LIPM: variants seen among roughly 807,000 people sequenced by gnomAD.
LIPM encodes the protein lipase family member M, also known as lipase member M.
LIPM carries 42 observed loss-of-function variants against 42.4 expected under a neutral mutation model. The ratio of observed to expected loss-of-function variants is 0.99; its 90% CI spans 0.77 to 1.28. The LOEUF (loss-of-function observed/expected upper bound fraction) is 1.28. Among genes scored for constraint, LIPM ranks in the 50% most tolerant of loss-of-function variants. The probability of loss-of-function intolerance (pLI) is 0.00; values close to 1 mark genes in which losing one functional copy is unlikely to be tolerated. For missense variants in LIPM, 524 were observed against 520.1 expected, an observed-to-expected ratio of 1.01 and a Z score of -0.07; for synonymous variants, 177 against 173.3, an observed-to-expected ratio of 1.02 and a Z score of -0.17.
intron 8 of LIPM, among the ~76,000 whole-genome samples, chr10:88,818,987 G>C (rs182793081): frequency 8.7e-4 from 132 of 152,174 alleles, no homozygotes; most frequent in African/African-American, 3.0e-3. Context: ...TCCTAGCTTT[G>C]AGCCATTCTC....
chr10:88,813,640 A>C (rs1346251144), intron 3 of LIPM, among the ~76,000 whole-genome samples: 2 of 152,124 alleles, frequency 1.3e-5, no homozygotes, highest in African/African-American at 4.8e-5. Flanking sequence ...GCAGCATTAA[A>C]AAAAAAGAAA....
chr10:88,810,181 T>G (rs1252708753), intron 2 of LIPM, among the ~76,000 whole-genome samples: 2 of 152,214 alleles, frequency 1.3e-5, no homozygotes, highest in African/African-American at 4.8e-5. Flanking sequence ...ATTCTGGTGC[T>G]AATAAATATT....
Position 88,818,486 on chromosome 10 carries a change from A to G in LIPM, c.1002+590A>G, listed in dbSNP as rs887661978. ...TTACATTTTTTAAAAATGTTATTAC[A>G]TTACCCAAGAAAATATGTAGCTAAT... On this transcript the variant is annotated intron_variant, in intron 8 of 8. Coordinates refer to ENST00000404743, the MANE Select transcript of LIPM (RefSeq NM_001128215.1). 7.9e-5 allele frequency among the ~76,000 whole-genome samples: 12 copies of G among 152,358 alleles called. 1 individual carries two copies. The highest frequency in any genetic ancestry group is 2.0e-4 in the Admixed American group (3 of 15,312).
chr10:88,808,255 C>A, intron 1 of LIPM, 43 bp from the exon 2 acceptor site: 2 of 1,081,940 alleles, frequency 1.8e-6, no homozygotes, highest in Non-Finnish European at 2.8e-6. Flanking sequence ...GAGAATATGG[C>A]CACAGAGAAC....
intron 6 of LIPM, among the ~76,000 whole-genome samples, chr10:88,815,903 G>A (rs1313291805): frequency 3.3e-5 from 5 of 152,118 alleles, no homozygotes; most frequent in African/African-American, 1.2e-4. Context: ...TTTGGCTTAG[G>A]CTACCAGTTG....
rs372031807 is a variant in LIPM at position 88,809,436 on chromosome 10, C to A, written c.265+1021C>A. On this transcript the variant is annotated intron_variant, in intron 2 of 8. Transcript: ENST00000404743. ...TACTCTAGCAGTAGGTTTATAGTAG[C>A]AACTATATTGTCTTTCTTGTGTATA... Among the ~76,000 whole-genome samples the A allele has an allele frequency of 1.4e-3, 218 of 152,222 alleles. 1 individual carries two copies. Among genetic ancestry groups the A allele is most frequent in the African/African-American group, 4.8e-3 (199 of 41,530 alleles).
intron 8 of LIPM, 115 bp from the exon 9 acceptor site, chr10:88,820,116 AC>A: frequency 1.3e-6 from 1 of 770,254 alleles, no homozygotes; most frequent in East Asian, 2.7e-5. Context: ...TGGCTCTAAC[AC>A]CCATGTACCC....
chr10:88,818,048 T>A (rs1000354405), intron 8 of LIPM, among the ~76,000 whole-genome samples, 152 bp downstream of exon 8: 1 of 152,234 alleles, frequency 6.6e-6, no homozygotes, highest in Admixed American at 6.5e-5. Context: ...TGAAAATGGT[T>A]AAGTTCACAG....
At chr10:88,814,807 A>G (rs1195353831) in intron 4 of LIPM, among the ~76,000 whole-genome samples, 168 bp downstream of exon 4, 2 of 152,220 alleles carry the variant, frequency 1.3e-5, no homozygotes, top group Admixed American at 1.3e-4. Context: ...TGTGCTAGAT[A>G]TAGCATATCT....
chr10:88,803,618 G>A (rs1843553069), intron 1 of LIPM, among the ~76,000 whole-genome samples: 1 of 111,422 alleles, frequency 9.0e-6, no homozygotes, highest in South Asian at 3.5e-4. Context: ...TTTCCCAGGA[G>A]GTTTTTTTTT....
At chr10:88,804,833 T>C (rs897838122) in intron 1 of LIPM, among the ~76,000 whole-genome samples, 8 of 152,206 alleles carry the variant, frequency 5.3e-5, no homozygotes, top group African/African-American at 1.9e-4. Context: ...CAATAGCCCA[T>C]ACACTGCTGA....
At chr10:88,809,260 T>C (rs1843625892) in intron 2 of LIPM, among the ~76,000 whole-genome samples, 1 of 152,168 alleles carries the variant, frequency 6.6e-6, no homozygotes, top group African/African-American at 2.4e-5. Flanking sequence ...TGGCTATACA[T>C]ACATTTTAAA....
Position 88,815,381 on chromosome 10 carries a change from C to T in LIPM, c.736C>T (p.Leu246=). The part of the protein sequence containing the change: ...IKGLFGKKEF[L]YQTRFLRQLV... ...GGGATTGTTTGGCAAAAAAGAATTT[C>T]TGTATCAGACCAGATTTCTCAGACA... is the stretch of plus-strand genomic sequence containing the variant. The change falls in exon 6 of 9, where the codon CTG becomes TTG. Residue 246 remains leucine, a synonymous_variant. Coordinates refer to ENST00000404743, the MANE Select transcript of LIPM (RefSeq NM_001128215.1). 6.4e-7 allele frequency: 1 copy of T among 1,551,576 alleles called. No individual in the cohort carries two copies. Among genetic ancestry groups the T allele is most frequent in the East Asian group, 2.4e-5 (1 of 40,920 alleles).
chr10:88,814,651 G>T lies in LIPM; in HGVS notation c.574+12G>T. ...GGGCACCACCATGGGTAGGTTCAAA[G>T]AAAAGCAGGTTTGTATACTCGGAAG... On this transcript the variant is annotated intron_variant, in intron 4 of 8. Coordinates refer to ENST00000404743, the MANE Select transcript of LIPM (RefSeq NM_001128215.1). The T allele has an allele frequency of 6.5e-7, 1 of 1,542,060 alleles. No individual in the cohort carries two copies. Among genetic ancestry groups the T allele is most frequent in the Middle Eastern group, 1.7e-4 (1 of 5,974 alleles).
intron 1 of LIPM, among the ~76,000 whole-genome samples, chr10:88,806,979 G>A (rs2133051619): frequency 6.6e-6 from 1 of 151,818 alleles, no homozygotes; most frequent in Non-Finnish European, 1.5e-5. Flanking sequence ...GTGAGCCACT[G>A]TGCCCGGCCT....
chr10:88,806,075 CCTA>C, intron 1 of LIPM: 1 of 450,020 alleles, frequency 2.2e-6, no homozygotes, highest in East Asian at 7.0e-5. Context: ...TAAGGCCATT[CCTA>C]CAGAAAATGA....
In LIPM at chr10:88,813,152, G is replaced by A. The variant is rs776152149; in HGVS notation, c.321G>A (p.Trp107Ter). ...QHGLVGGASN[W>*]ISNLPNNSLG... is the part of the protein sequence containing the mutation. ...GCCTAGTTGGAGGTGCTAGCAACTG[G>A]ATTTCCAACCTGCCCAACAATAGCC... The change falls in exon 3 of 9, where the codon TGG (tryptophan) becomes TGA (stop). Residue 107 changes from tryptophan to a stop codon, truncating the protein, a stop_gained. Transcript: ENST00000404743. LOFTEE classifies it high-confidence loss of function. 5.0e-6 allele frequency: 8 copies of A among 1,611,878 alleles called. No homozygotes were observed. Among genetic ancestry groups the A allele is most frequent in the Non-Finnish European group, 6.8e-6 (8 of 1,178,914 alleles).
At chr10:88,813,071 A>T (rs755383355) in intron 2 of LIPM, 26 bp from the exon 3 acceptor site, 1 of 1,529,246 alleles carries the variant, frequency 6.5e-7, no homozygotes, top group Non-Finnish European at 8.9e-7. Context: ...AACATTTCAT[A>T]CAGTTGAAAT....
chr10:88,816,277 G>A (rs991900478), intron 6 of LIPM, among the ~76,000 whole-genome samples: 3 of 152,106 alleles, frequency 2.0e-5, no homozygotes, highest in African/African-American at 7.2e-5. Flanking sequence ...TTTGCCAGCA[G>A]CACTCCCAGC....
Sources: allele counts gnomAD v4.1 joint callset (sites outside exome capture counted in the v4.1 genomes callset), GRCh38; gene constraint gnomAD v4.1.1; transcripts MANE v1.5; gene names NCBI Gene and HGNC (gene_info 2026-07-23, HGNC 2026-07-21).